Variants in GATB observed in about 807,000 individuals in gnomAD.
GATB encodes glutamyl-tRNA(Gln) amidotransferase subunit B, mitochondrial.
In GATB, 39 loss-of-function variants were observed where a neutral mutation model predicts 62.3. That is an observed-to-expected ratio of 0.63 (90% confidence interval 0.48 to 0.82). GATB has a LOEUF of 0.82. GATB is among the 40% of genes least tolerant of loss of function. GATB has a pLI of 0.00. For missense variants in GATB, 670 were observed against 684.0 expected (o/e 0.98, Z 0.23); for synonymous variants, 276 against 258.9 (o/e 1.07, Z -0.63).
intron 9 of GATB, among the ~76,000 whole-genome samples, chr4:151,699,077 T>C (rs1306627382): frequency 1.3e-5 from 2 of 152,048 alleles, no homozygotes; most frequent in Non-Finnish European, 2.9e-5. Flanking sequence ...GTACGTGCTA[T>C]ACAGAAGATG....
chr4:151,725,785 AC>A (rs1739126353), intron 2 of GATB, among the ~76,000 whole-genome samples: 2 of 152,256 alleles, frequency 1.3e-5, no homozygotes, highest in Admixed American at 1.3e-4. Context: ...TAGGATCTAT[AC>A]TGAGAAATAT....
chr4:151,688,148 C>T (rs1738289576), intron 10 of GATB, among the ~76,000 whole-genome samples: 2 of 152,162 alleles, frequency 1.3e-5, no homozygotes, highest in Admixed American at 1.3e-4. Flanking sequence ...TCTGCTTTGT[C>T]TGCGTGATCT....
rs1350009744 is a variant in GATB, at chr4:151,735,723, A to T, written c.328-16185T>A. On this transcript the variant is annotated intron_variant, in intron 2 of 12. Coordinates refer to ENST00000263985, the MANE Select transcript of GATB (RefSeq NM_004564.3). ...ATGCCCATCAATCAACAAGTGGATA[A>T]ATAAACTGTGGTGTATATATATATA... 4.7e-5 allele frequency among the ~76,000 whole-genome samples: 4 copies of T among 85,804 alleles called. 1 individual carries two copies. Among genetic ancestry groups the T allele is most frequent in the Non-Finnish European group, 9.1e-5 (4 of 43,978 alleles). The allele number at this position is 85,804 out of a possible 152,430, so 56.3% of individuals were successfully genotyped here. A position where few individuals can be genotyped will look rare whatever the true frequency, so the allele number is the denominator to read the frequency against.
intron 11 of GATB, among the ~76,000 whole-genome samples, chr4:151,678,486 C>T (rs1265704229): frequency 6.6e-6 from 1 of 152,010 alleles, no homozygotes; most frequent in African/African-American, 2.4e-5. Flanking sequence ...TTTTTCTGCC[C>T]TCAGGCCATC....
intron 6 of GATB, among the ~76,000 whole-genome samples, chr4:151,706,709 T>A (rs1444876471): frequency 6.6e-6 from 1 of 152,180 alleles, no homozygotes; most frequent in African/African-American, 2.4e-5. Flanking sequence ...GACAATAAGG[T>A]CTAATACAAG....
At chr4:151,697,771 T>A (rs1359350072) in intron 9 of GATB, among the ~76,000 whole-genome samples, 1 of 148,656 alleles carries the variant, frequency 6.7e-6, no homozygotes, top group African/African-American at 2.5e-5. Flanking sequence ...TCAAGTTGCC[T>A]TGATTTCTGT....
At chr4:151,704,646 G>A (rs954665040) in intron 7 of GATB, among the ~76,000 whole-genome samples, 4 of 151,530 alleles carry the variant, frequency 2.6e-5, no homozygotes, top group Admixed American at 2.0e-4. Context: ...GTAGAGACGG[G>A]GTTTCACCAT....
chr4:151,732,047 A>T (rs1266450755), intron 2 of GATB, among the ~76,000 whole-genome samples: 2 of 88,884 alleles, frequency 2.3e-5, no homozygotes, highest in African/African-American at 1.3e-4. Flanking sequence ...CCCGTCCGGG[A>T]GGGAGGTGGG....
intron 9 of GATB, among the ~76,000 whole-genome samples, chr4:151,694,877 A>G (rs1342689175): frequency 6.6e-6 from 1 of 152,228 alleles, no homozygotes; most frequent in Non-Finnish European, 1.5e-5. Context: ...CAATCCACTT[A>G]ACAACCAGCT....
At chr4:151,749,198 G>T (rs1370909533) in intron 2 of GATB, among the ~76,000 whole-genome samples, 2 of 152,138 alleles carry the variant, frequency 1.3e-5, no homozygotes, top group African/African-American at 2.4e-5. Flanking sequence ...CTGCTATAAA[G>T]ACACATGCAC....
At chr4:151,712,398 G>T (rs757456118) in intron 5 of GATB, among the ~76,000 whole-genome samples, 2 of 152,126 alleles carry the variant, frequency 1.3e-5, no homozygotes, top group Non-Finnish European at 1.5e-5. Context: ...TCATGAGAAT[G>T]GCATCAGGCT....
intron 9 of GATB, among the ~76,000 whole-genome samples, chr4:151,696,924 C>T (rs1738482156): frequency 1.3e-5 from 2 of 152,196 alleles, no homozygotes; most frequent in African/African-American, 2.4e-5. Flanking sequence ...TAGAATCTCT[C>T]GTTTTTTCAG....
chr4:151,702,523 G>A (rs879233063), intron 8 of GATB, among the ~76,000 whole-genome samples: 4 of 152,118 alleles, frequency 2.6e-5, no homozygotes, highest in Admixed American at 2.6e-4. Context: ...AAGTGTGATT[G>A]GTTTCATCAT....
chr4:151,701,070 T>C lies in GATB; in HGVS notation c.1197+259A>G, dbSNP rs115142667. On this transcript the variant is annotated intron_variant, in intron 9 of 12. Transcript: ENST00000263985. ...CAAGAAGTCTCCACAGCTGCTGTGG[T>C]CAGGCGTTCATTTCTACACAGAAGA... 9.0e-3 allele frequency among the ~76,000 whole-genome samples: 1,369 copies of C among 152,312 alleles called. 21 individuals carry two copies. Among genetic ancestry groups the C allele is most frequent in the African/African-American group, 0.031 (1,272 of 41,550 alleles).
At chr4:151,742,512 C>T (rs1247883210) in intron 2 of GATB, among the ~76,000 whole-genome samples, 1 of 152,182 alleles carries the variant, frequency 6.6e-6, no homozygotes, top group Non-Finnish European at 1.5e-5. Flanking sequence ...TATAAGGTTT[C>T]AACCTTAATA....
At position 151,703,024 on chromosome 4, in the gene GATB, C is replaced by G. The variant is rs1200660020; in HGVS notation, c.1007+827G>C. On this transcript the variant is annotated intron_variant, in intron 8 of 12. Coordinates refer to ENST00000263985, the MANE Select transcript of GATB (RefSeq NM_004564.3). ...ACTCCACACTCAGGGGAAGGCGCAC[C>G]AACAGGGGAGGGAGCAACACTCAGG... is the stretch of plus-strand genomic sequence containing the variant. Among the ~76,000 whole-genome samples the G allele has an allele frequency of 3.3e-5, 5 of 152,118 alleles. No homozygotes were observed. In the East Asian group the frequency reaches 9.6e-4, roughly 29 times the overall value.
chr4:151,732,020 CCCGCCCGG>C (rs1560860362), intron 2 of GATB, among the ~76,000 whole-genome samples: 28 of 137,596 alleles, frequency 2.0e-4, no homozygotes, highest in Non-Finnish European at 3.4e-4. Context: ...GGGGTCAGCC[CCCGCCCGG>C]CCAGCCGCCC....
intron 4 of GATB, among the ~76,000 whole-genome samples, chr4:151,716,628 G>A (rs936729463): frequency 6.6e-6 from 1 of 152,058 alleles, no homozygotes; most frequent in Non-Finnish European, 1.5e-5. Flanking sequence ...CCAGCTGCTG[G>A]GTCTGTGACT....
intron 2 of GATB, among the ~76,000 whole-genome samples, chr4:151,731,772 G>A (rs1003288050): frequency 1.1e-4 from 17 of 150,936 alleles, no homozygotes; most frequent in African/African-American, 1.7e-4. Context: ...CTGTGACCCC[G>A]TCTGGGAGGT....
Sources: gnomAD v4.1 joint callset for allele counts (sites outside exome capture counted in the v4.1 genomes callset) on GRCh38, gnomAD v4.1.1 for gene constraint, MANE v1.5 for transcripts, NCBI Gene and HGNC (gene_info 2026-07-23, HGNC 2026-07-21) for gene names.